The following WDFY2 variants were observed in gnomAD, a reference collection of about 807,000 sequenced individuals.
WDFY2 encodes the protein WD repeat and FYVE domain containing 2.
Under a neutral mutation model 56.4 loss-of-function variants are expected in WDFY2, and 36 were observed. The observed-to-expected ratio is 0.64, with a 90% CI of 0.49 to 0.84. The LOEUF is 0.84. WDFY2 is among the 40% of genes least tolerant of loss of function. The pLI, the probability that WDFY2 is intolerant of heterozygous loss-of-function variation, is 0.00. For synonymous variants in WDFY2, 176 were observed against 183.7 expected, an observed-to-expected ratio of 0.96 and a Z score of 0.34; for missense variants, 444 against 512.2, an observed-to-expected ratio of 0.87 and a Z score of 1.29.
chr13:51,593,822 A>G (rs1031833549), intron 1 of WDFY2: 1 of 152,174 alleles, frequency 6.6e-6, no homozygotes, highest in Admixed American at 6.5e-5. Context: ...ATATCCAGAT[A>G]TATCTTACAT....
chr13:51,668,006 C>T (rs1228521358), intron 2 of WDFY2, among the ~76,000 whole-genome samples: 1 of 149,258 alleles, frequency 6.7e-6, no homozygotes, highest in African/African-American at 2.5e-5. Flanking sequence ...GTTCTCCTGC[C>T]TCAGCCTCCC....
chr13:51,757,180 C>G (rs748581723), intron 10 of WDFY2, among the ~76,000 whole-genome samples: 1 of 152,126 alleles, frequency 6.6e-6, no homozygotes, highest in Non-Finnish European at 1.5e-5. Context: ...TTATCCATAT[C>G]AAATATAAAA....
At chr13:51,604,746 T>C (rs1954353389) in intron 1 of WDFY2, among the ~76,000 whole-genome samples, 1 of 152,194 alleles carries the variant, frequency 6.6e-6, no homozygotes. Context: ...ATTTTCATCA[T>C]CACAGGAAGT....
rs1169711819 is a variant in WDFY2 at position 51,766,681 on chromosome 13, C to G, written c.*6912C>G. On this transcript the variant is annotated 3_prime_UTR_variant, in exon 12 of 12. Transcript: ENST00000298125. ...ATATTGTGAATGTTTTTACTCCGCTCACTTTCCCACTGTGCTTTCCTCTAA... is the reference window on the plus strand; with the variant it reads ...ATATTGTGAATGTTTTTACTCCGCTGACTTTCCCACTGTGCTTTCCTCTAA... 6.6e-6 allele frequency: 1 copy of G among 152,278 alleles called. No individual in the cohort carries two copies. Among genetic ancestry groups the G allele is most frequent in the Non-Finnish European group, 1.5e-5 (1 of 68,046 alleles). 9.4% of individuals were successfully genotyped at this position (152,278 alleles called of 1,614,324 possible). A position where few individuals can be genotyped will look rare whatever the true frequency, so the allele number is the denominator to read the frequency against.
chr13:51,718,371 G>A (rs1952407275), intron 4 of WDFY2, among the ~76,000 whole-genome samples: 2 of 152,252 alleles, frequency 1.3e-5, no homozygotes, highest in South Asian at 4.1e-4. Context: ...TGGTAACTGA[G>A]AAGCTGTAAG....
intron 3 of WDFY2, among the ~76,000 whole-genome samples, chr13:51,684,174 A>G (rs1040418804): frequency 1.3e-5 from 2 of 152,178 alleles, no homozygotes; most frequent in Non-Finnish European, 2.9e-5. Context: ...ACTTCTAACC[A>G]TATTGGCACA....
At chr13:51,665,278 G>A (rs780902419) in intron 2 of WDFY2, among the ~76,000 whole-genome samples, 4 of 152,160 alleles carry the variant, frequency 2.6e-5, no homozygotes, top group Non-Finnish European at 4.4e-5. Context: ...TGTATCTTAC[G>A]TAGTAGCTGC....
rs183127904 is a variant in WDFY2 at position 51,635,579 on chromosome 13, A to T, written c.138-25017A>T. 3.3e-5 allele frequency among the ~76,000 whole-genome samples: 5 copies of T among 152,306 alleles called. No homozygotes were observed. In the East Asian group the frequency reaches 9.7e-4, roughly 29 times the overall value. On this transcript the variant is annotated intron_variant, in intron 1 of 11. Coordinates refer to ENST00000298125, the MANE Select transcript of WDFY2 (RefSeq NM_052950.4). ...TTTCTTCCTCTCTCTGAGCATTCAG[A>T]CAGCTTCAGAAATAGTCTCATGGTA...
At chr13:51,654,613 C>G (rs1389639975) in intron 1 of WDFY2, among the ~76,000 whole-genome samples, 1 of 152,140 alleles carries the variant, frequency 6.6e-6, no homozygotes, top group Non-Finnish European at 1.5e-5. Context: ...CCATAGTTGT[C>G]ATTTTCTGAA....
chr13:51,701,530 A>AG (rs1951984703), intron 3 of WDFY2, among the ~76,000 whole-genome samples: 1 of 151,654 alleles, frequency 6.6e-6, no homozygotes, highest in Non-Finnish European at 1.5e-5. Flanking sequence ...CAAAAAAAAA[A>AG]AAAAAAAAAG....
At position 51,665,199 on chromosome 13, in the gene WDFY2, T is replaced by C. The variant is rs969942477; in HGVS notation, c.205+4536T>C. Reference sequence around the variant, plus strand: ...TGTAGTTTGCTATAAGCTAGCTGATTTTTATGGATGAATGAGAAATCAGAG... The same window carrying C: ...TGTAGTTTGCTATAAGCTAGCTGATCTTTATGGATGAATGAGAAATCAGAG... On this transcript the variant is annotated intron_variant, in intron 2 of 11. Coordinates refer to ENST00000298125, the MANE Select transcript of WDFY2 (RefSeq NM_052950.4). Among the ~76,000 whole-genome samples the C allele has an allele frequency of 2.9e-4, 44 of 152,334 alleles. 1 individual carries two copies. The highest frequency in any genetic ancestry group is 1.0e-3 in the African/African-American group (43 of 41,574).
In WDFY2 at chr13:51,584,476, T is replaced by A; in HGVS notation, c.-212T>A. On this transcript the variant is annotated 5_prime_UTR_variant, in exon 1 of 12. The change creates a new upstream start codon in the 5' untranslated region. Transcript: ENST00000298125. ...CCCCTCCTCTTGTAGTGGCGCCGGC[T>A]TGCATCCCAGGTCGTGGCGGTTTTG... 1 of 603,368 alleles carries A rather than the reference T, an allele frequency of 1.7e-6. No homozygotes were observed. Among genetic ancestry groups the A allele is most frequent in the Non-Finnish European group, 2.7e-6 (1 of 368,318 alleles). 37.4% of individuals were successfully genotyped at this position (603,368 alleles called of 1,614,324 possible). A position where few individuals can be genotyped will look rare whatever the true frequency, so the allele number is the denominator to read the frequency against.
intron 3 of WDFY2, among the ~76,000 whole-genome samples, chr13:51,699,669 G>C (rs1020682956): frequency 6.6e-6 from 1 of 152,110 alleles, no homozygotes; most frequent in Non-Finnish European, 1.5e-5. Context: ...AAATTGAAAA[G>C]ATGAATAGTG....
intron 6 of WDFY2, 91 bp from the exon 7 acceptor site, chr13:51,738,958 G>A: frequency 3.7e-6 from 5 of 1,335,492 alleles, no homozygotes; most frequent in Non-Finnish European, 4.9e-6. Context: ...GCCAGGAACT[G>A]CACTAGGTTC....
chr13:51,682,302 A>G (rs901037850), intron 3 of WDFY2, among the ~76,000 whole-genome samples: 1 of 152,152 alleles, frequency 6.6e-6, no homozygotes, highest in African/African-American at 2.4e-5. Context: ...TGTCCTAGGA[A>G]CCTTATATCT....
intron 1 of WDFY2, among the ~76,000 whole-genome samples, chr13:51,639,330 CACAGG>C (rs1008292480): frequency 2.0e-5 from 3 of 152,090 alleles, no homozygotes; most frequent in Admixed American, 2.0e-4. Context: ...CACCAAAACC[CACAGG>C]AAGAAAGGTT....
At chr13:51,609,640 A>G (rs1954457623) in intron 1 of WDFY2, among the ~76,000 whole-genome samples, 1 of 136,526 alleles carries the variant, frequency 7.3e-6, no homozygotes, top group Non-Finnish European at 1.5e-5. Context: ...CCAGGTTAAC[A>G]TATGTTTAAG....
At chr13:51,649,361 T>C (rs1389623814) in intron 1 of WDFY2, among the ~76,000 whole-genome samples, 1 of 151,314 alleles carries the variant, frequency 6.6e-6, no homozygotes, top group East Asian at 1.9e-4. Context: ...GTCCTGTTAC[T>C]GCGAACCCAG....
intron 1 of WDFY2, among the ~76,000 whole-genome samples, chr13:51,592,974 A>G (rs140859123): frequency 8.5e-5 from 13 of 152,324 alleles, no homozygotes; most frequent in African/African-American, 3.1e-4. Flanking sequence ...ATAAATAAAT[A>G]AAAGATAATA....
Sources: gnomAD v4.1 joint callset for allele counts (sites outside exome capture counted in the v4.1 genomes callset) on GRCh38, gnomAD v4.1.1 for gene constraint, MANE v1.5 for transcripts, NCBI Gene and HGNC (gene_info 2026-07-23, HGNC 2026-07-21) for gene names.